Variants in RTEL1 observed in about 807,000 individuals in gnomAD.
RTEL1 encodes the protein regulator of telomere elongation helicase 1.
A neutral mutation model predicts 162.2 loss-of-function variants in RTEL1; 86 were observed. That is an observed-to-expected ratio of 0.53 (90% CI 0.45 to 0.63). The LOEUF (loss-of-function observed/expected upper bound fraction) is 0.63, where lower values mean the gene tolerates loss of function less well. Among genes scored for constraint, RTEL1 ranks in the 30% least tolerant of loss-of-function variants. The probability of loss-of-function intolerance (pLI) is 0.00; values close to 1 mark genes in which losing one functional copy is unlikely to be tolerated. For synonymous variants in RTEL1, 958 were observed against 717.9 expected, an observed-to-expected ratio of 1.33 and a Z score of -5.35; for missense variants, 1,941 against 1,750.2, an observed-to-expected ratio of 1.11 and a Z score of -1.95.
chr20:63,673,387 C>A lies in RTEL1; in HGVS notation c.766-553C>A, dbSNP rs577664927. Among the ~76,000 whole-genome samples, 7 of 152,092 alleles carry A rather than the reference C, an allele frequency of 4.6e-5. No homozygotes were observed. The South Asian group carries it at 1.5e-3, about 32-fold the overall frequency. On this transcript the variant is annotated intron_variant, in intron 9 of 34. Transcript: ENST00000360203. ...CCAGCCTGGTGACAGAGCAAGACTC[C>A]GTCTCAAAAAAAATAAAATCAAAAA...
chr20:63,661,735 G>C lies in RTEL1; in HGVS notation c.302-115G>C. 1 of 988,150 alleles carries C rather than the reference G, an allele frequency of 1.0e-6. No homozygotes were observed. The highest frequency in any genetic ancestry group is 1.6e-5 in the African/African-American group (1 of 62,288). 61.2% of individuals were successfully genotyped at this position (988,150 alleles called of 1,614,324 possible). A position where few individuals can be genotyped will look rare whatever the true frequency, so the allele number is the denominator to read the frequency against. On this transcript the variant is annotated intron_variant, in intron 3 of 34. Coordinates refer to ENST00000360203, the MANE Select transcript of RTEL1 (RefSeq NM_001283009.2). This position sits in a 1 kb window ranked among gnomAD's most constrained non-coding sequence, Gnocchi z 5.1. Reference sequence around the variant, plus strand: ...CCCATTTTTGATAAACCAGTATCTGGGGTGTCAGATTCTTGGCTGTCTGCA... The same window carrying C: ...CCCATTTTTGATAAACCAGTATCTGCGGTGTCAGATTCTTGGCTGTCTGCA...
At position 63,666,089 on chromosome 20, in the gene RTEL1, C is replaced by A; in HGVS notation, c.614+10C>A. Reference sequence around the variant, plus strand: ...GCGGAAGCAAGCACAGGTGAGACCCCTCAGTGAGGCCACGACCACTGTCCT... The same window carrying A: ...GCGGAAGCAAGCACAGGTGAGACCCATCAGTGAGGCCACGACCACTGTCCT... On this transcript the variant is annotated intron_variant, in intron 7 of 34. Transcript: ENST00000360203. The A allele has an allele frequency of 6.2e-7, 1 of 1,611,924 alleles. No homozygotes were observed.
At chr20:63,691,604 T>C in intron 27 of RTEL1, 138 bp from the exon 28 acceptor site, 1 of 680,024 alleles carries the variant, frequency 1.5e-6, no homozygotes, top group South Asian at 1.7e-5. Flanking sequence ...GTCACCGGGG[T>C]GTGCTGTGCC....
chr20:63,659,438 C>G lies in RTEL1; in HGVS notation c.36C>G (p.Asp12Glu). The G allele has an allele frequency of 6.2e-7, 1 of 1,614,198 alleles. No individual in the cohort carries two copies. The highest frequency in any genetic ancestry group is 8.5e-7 in the Non-Finnish European group (1 of 1,179,990). ...TAGTCCTGAATGGTGTGACCGTAGA[C>G]TTCCCTTTCCAGCCCTACAAATGCC... Reference protein sequence around the residue: ...PKIVLNGVTVDFPFQPYKCQQ... With the variant: ...PKIVLNGVTVEFPFQPYKCQQ... The change falls in exon 2 of 35, where the codon GAC becomes GAG. Residue 12 changes from aspartate (D) to glutamate (E), a missense_variant. Coordinates refer to ENST00000360203, the MANE Select transcript of RTEL1 (RefSeq NM_001283009.2).
chr20:63,663,032 G>A (rs1337048781), intron 6 of RTEL1, 143 bp downstream of exon 6: 16 of 767,728 alleles, frequency 2.1e-5, no homozygotes, highest in South Asian at 1.4e-4. Context: ...CTTCTGACTC[G>A]GGGCCACCCA....
rs1156987225 is a variant in RTEL1, at chr20:63,661,761, G to A, written c.302-89G>A. On this transcript the variant is annotated intron_variant, in intron 3 of 34. Coordinates refer to ENST00000360203, the MANE Select transcript of RTEL1 (RefSeq NM_001283009.2). This position sits in a 1 kb window ranked among gnomAD's most constrained non-coding sequence, Gnocchi z 5.1. ...GGTGTCAGATTCTTGGCTGTCTGCA[G>A]GGCCGAGTTAGCCGAATGCCACCTG... 2 of 1,199,672 alleles carry A rather than the reference G, an allele frequency of 1.7e-6. No homozygotes were observed. The highest frequency in any genetic ancestry group is 2.5e-6 in the Non-Finnish European group (2 of 808,372). The allele number at this position is 1,199,672 out of a possible 1,614,324, so 74.3% of individuals were successfully genotyped here.
chr20:63,694,053 G>C (rs932419865), intron 30 of RTEL1, among the ~76,000 whole-genome samples: 1 of 152,028 alleles, frequency 6.6e-6, no homozygotes, highest in Admixed American at 6.5e-5. Flanking sequence ...AGTTCACCCA[G>C]GGGGGAACCT....
Position 63,672,191 on chromosome 20 carries a change from G to A in RTEL1, c.700-365G>A, listed in dbSNP as rs569366816. ...GCCACCGCGCCTGGCTGGGAGTTGG[G>A]TTTGTAAATCTCCCTGAGTGGGGCT... On this transcript the variant is annotated intron_variant, in intron 8 of 34. Coordinates refer to ENST00000360203, the MANE Select transcript of RTEL1 (RefSeq NM_001283009.2). 4.7e-4 allele frequency among the ~76,000 whole-genome samples: 71 copies of A among 152,262 alleles called. 1 individual carries two copies. The highest frequency in any genetic ancestry group is 7.8e-4 in the Non-Finnish European group (53 of 68,006).
chr20:63,695,245 C>T, intron 33 of RTEL1, 24 bp downstream of exon 33: 1 of 1,609,062 alleles, frequency 6.2e-7, no homozygotes. Flanking sequence ...CTGGCTGCTC[C>T]TGGCAGCGCC....
chr20:63,695,066 G>A lies in RTEL1; in HGVS notation c.3344G>A (p.Arg1115Lys). ...CGGGTCTGATTGAAGCTCCCCGCAG[G>A]GTTCAGCATGTTTGTGCGTCCACAC... The part of the protein sequence containing the change: ...AKPEDFPLLH[R>K]FSMFVRPHHK... Residue 1115 changes from arginine to lysine, a missense_variant and splice_region_variant, in exon 33 of 35, where the codon AGG becomes AAG. Physicochemically the swap from Arg to Lys is conservative, Grantham distance 26. Transcript: ENST00000360203. 7 of 1,612,088 alleles carry A rather than the reference G, an allele frequency of 4.3e-6. No homozygotes were observed. The highest frequency in any genetic ancestry group is 3.3e-5 in the South Asian group (3 of 91,076).
chr20:63,663,854 T>C (rs1326884749), intron 6 of RTEL1, among the ~76,000 whole-genome samples: 1 of 152,120 alleles, frequency 6.6e-6, no homozygotes, highest in African/African-American at 2.4e-5. Context: ...TGCTCTTGTA[T>C]TTAGGGCGGC....
rs752627580 is a variant in RTEL1 at position 63,693,292 on chromosome 20, G to A, written c.2992+9G>A. On this transcript the variant is annotated intron_variant, in intron 30 of 34. Transcript: ENST00000360203. ...GGTCCTGGACCCCACTGGTAAATGGGGCCCCAGGTGGGACCCTCAGACTCC... is the reference window on the plus strand; with the variant it reads ...GGTCCTGGACCCCACTGGTAAATGGAGCCCCAGGTGGGACCCTCAGACTCC... 1.9e-6 allele frequency: 3 copies of A among 1,611,276 alleles called. No homozygotes were observed. Among genetic ancestry groups the A allele is most frequent in the East Asian group, 4.5e-5 (2 of 44,878 alleles).
At chr20:63,666,164 C>A in intron 7 of RTEL1, 85 bp downstream of exon 7, 1 of 1,073,824 alleles carries the variant, frequency 9.3e-7, no homozygotes. Flanking sequence ...TATATTTCTT[C>A]ACTTTTCTTT....
At chr20:63,678,725 ACCCACGGAACGGCACACACT>A (rs2090419598) in intron 12 of RTEL1, among the ~76,000 whole-genome samples, 1 of 74,504 alleles carries the variant, frequency 1.3e-5, no homozygotes, top group Admixed American at 1.7e-4. Context: ...CAGCACACAC[ACCCACGGAACGGCACACACT>A]CCCACGGAAC....
rs2090011286 is a variant in RTEL1, at chr20:63,661,116, T to C, written c.103-182T>C. Among the ~76,000 whole-genome samples, 1 of 152,270 alleles carries C rather than the reference T, an allele frequency of 6.6e-6. No homozygotes were observed. Among genetic ancestry groups the C allele is most frequent in the South Asian group, 2.1e-4 (1 of 4,832 alleles). On this transcript the variant is annotated intron_variant, in intron 2 of 34. Coordinates refer to ENST00000360203, the MANE Select transcript of RTEL1 (RefSeq NM_001283009.2). The surrounding 1 kb of genome is among the most constrained non-coding windows in gnomAD (Gnocchi z 5.1). ...GGCGGCTGAGTTGCTTCACGCCCTTTAGGGCAAGAGTGGGACTTGCCTGTG... is the reference window on the plus strand; with the variant it reads ...GGCGGCTGAGTTGCTTCACGCCCTTCAGGGCAAGAGTGGGACTTGCCTGTG...
At position 63,668,396 on chromosome 20, in the gene RTEL1, C is replaced by T. The variant is rs563411889; in HGVS notation, c.699+843C>T. ...CAGGCATAGCAAGACTGGCTTCACT[C>T]ACATGGAGCTTTGATTCTAGTGGTG... On this transcript the variant is annotated intron_variant, in intron 8 of 34. Transcript: ENST00000360203. The surrounding 1 kb of genome is among the most constrained non-coding windows in gnomAD (Gnocchi z 4.3). 4.6e-5 allele frequency among the ~76,000 whole-genome samples: 7 copies of T among 152,214 alleles called. No homozygotes were observed. Among genetic ancestry groups the T allele is most frequent in the Non-Finnish European group, 8.8e-5 (6 of 68,038 alleles).
chr20:63,674,756 A>G (rs2090315275), intron 10 of RTEL1, among the ~76,000 whole-genome samples: 1 of 152,126 alleles, frequency 6.6e-6, no homozygotes, highest in African/African-American at 2.4e-5. Context: ...GCATCTTTAA[A>G]TGACCCACAA....
At chr20:63,671,322 G>A (rs561516549) in intron 8 of RTEL1, among the ~76,000 whole-genome samples, 22 of 152,222 alleles carry the variant, frequency 1.4e-4, no homozygotes, top group East Asian at 1.2e-3. Flanking sequence ...GCCTCCCAAA[G>A]TGCTGAGGTT....
intron 10 of RTEL1, among the ~76,000 whole-genome samples, chr20:63,676,520 G>T (rs957821355): frequency 6.6e-6 from 1 of 152,120 alleles, no homozygotes; most frequent in Non-Finnish European, 1.5e-5. Flanking sequence ...AATCACTGGG[G>T]GCTTGCAAGA....
Sources: allele counts gnomAD v4.1 joint callset (sites outside exome capture counted in the v4.1 genomes callset), GRCh38; gene constraint gnomAD v4.1.1; non-coding constraint Gnocchi (gnomAD v3.1); transcripts MANE v1.5; gene names NCBI Gene and HGNC (gene_info 2026-07-23, HGNC 2026-07-21).